Variants in SMCO4 observed in about 807,000 individuals in gnomAD.
SMCO4 encodes the protein single-pass membrane and coiled-coil domain-containing protein 4.
Under a neutral mutation model 3.6 loss-of-function variants are expected in SMCO4, and 4 were observed. The observed-to-expected ratio is 1.11, with a 90% confidence interval of 0.54 to 2.53. The LOEUF is 2.53. Ranked by LOEUF, SMCO4 falls within the 30% of genes most tolerant of loss-of-function variation. SMCO4 has a pLI of 0.02. For missense variants in SMCO4, 70 were observed against 80.8 expected, an observed-to-expected ratio of 0.87 and a Z score of 0.51; for synonymous variants, 36 against 35.3, an observed-to-expected ratio of 1.02 and a Z score of -0.07.
At chr11:93,523,866 A>C (rs188684982) in intron 1 of SMCO4, among the ~76,000 whole-genome samples, 171 of 152,240 alleles carry the variant, frequency 1.1e-3, no homozygotes, top group African/African-American at 3.8e-3. Flanking sequence ...GGACTTCCTT[A>C]GTTTTGGTTT....
At chr11:93,496,995 G>A (rs1948781730) in intron 2 of SMCO4, among the ~76,000 whole-genome samples, 1 of 152,130 alleles carries the variant, frequency 6.6e-6, no homozygotes, top group Non-Finnish European at 1.5e-5. Context: ...GAGTATCAGA[G>A]GAAGGTCTCT....
At chr11:93,522,694 T>C (rs1949068984) in intron 1 of SMCO4, among the ~76,000 whole-genome samples, 1 of 152,234 alleles carries the variant, frequency 6.6e-6, no homozygotes, top group African/African-American at 2.4e-5. Flanking sequence ...CCAGGTGGTA[T>C]AACATAAGTC....
intron 1 of SMCO4, among the ~76,000 whole-genome samples, chr11:93,513,736 C>T (rs1260361688): frequency 6.6e-6 from 1 of 152,180 alleles, no homozygotes; most frequent in Non-Finnish European, 1.5e-5. Context: ...CACTTATACA[C>T]TTTCCCAACC....
rs1225346790 is a variant in SMCO4, at chr11:93,479,374, G to A, written c.-80-105C>T. 2.7e-6 allele frequency: 3 copies of A among 1,121,142 alleles called. No homozygotes were observed. In the African/African-American group the frequency reaches 4.7e-5, roughly 17 times the overall value. The allele number at this position is 1,121,142 out of a possible 1,614,324, so 69.4% of individuals were successfully genotyped here. A position where few individuals can be genotyped will look rare whatever the true frequency, so the allele number is the denominator to read the frequency against. On this transcript the variant is annotated intron_variant, in intron 2 of 2. Coordinates refer to ENST00000298966, the MANE Select transcript of SMCO4 (RefSeq NM_020179.3). ...TAGGAAAAATATCTGCAACTTACAT[G>A]ACAAAGGGCTAAGAACAGAGGCCAC...
At chr11:93,542,775 C>G (rs948156156) in intron 1 of SMCO4, among the ~76,000 whole-genome samples, 4 of 152,150 alleles carry the variant, frequency 2.6e-5, no homozygotes, top group African/African-American at 4.8e-5. Flanking sequence ...CCTTCTCACC[C>G]GCAAGGTCCG....
rs1405323562 is a variant in SMCO4 at position 93,478,733 on chromosome 11, A to ACACG, written c.*276_*277insCGTG. The ACACG allele has an allele frequency of 1.6e-6, 1 of 606,596 alleles. No homozygotes were observed. Among genetic ancestry groups the ACACG allele is most frequent in the Non-Finnish European group, 2.3e-6 (1 of 431,934 alleles). The allele number at this position is 606,596 out of a possible 1,614,324, so 37.6% of individuals were successfully genotyped here. A position where few individuals can be genotyped will look rare whatever the true frequency, so the allele number is the denominator to read the frequency against. On this transcript the variant is annotated 3_prime_UTR_variant, in exon 3 of 3. Transcript: ENST00000298966. ...AAGAAGCACACACACACACACACAC[A>ACACG]CACACACACACACACACACATGCGC...
intron 1 of SMCO4, among the ~76,000 whole-genome samples, chr11:93,526,004 T>C (rs1421925837): frequency 6.6e-6 from 1 of 152,208 alleles, no homozygotes; most frequent in Non-Finnish European, 1.5e-5. Context: ...CTATCCCCAA[T>C]AATCCATCTT....
At chr11:93,544,665 C>T (rs1248432276), upstream of SMCO4, among the ~76,000 whole-genome samples, 1 of 151,990 alleles carries the variant, frequency 6.6e-6, no homozygotes, top group African/African-American at 2.4e-5. Context: ...AGGAAGTGTC[C>T]TTCCTGCTGC....
At chr11:93,495,646 A>G (rs1413499376) in intron 2 of SMCO4, among the ~76,000 whole-genome samples, 1 of 152,186 alleles carries the variant, frequency 6.6e-6, no homozygotes, top group African/African-American at 2.4e-5. Context: ...ATGCTGTTGC[A>G]CATTTTTATG....
At chr11:93,484,836 A>G (rs1463358318) in intron 2 of SMCO4, among the ~76,000 whole-genome samples, 1 of 152,172 alleles carries the variant, frequency 6.6e-6, no homozygotes, top group Non-Finnish European at 1.5e-5. Context: ...GGAAGGTCTA[A>G]GACAAGGAAG....
At chr11:93,521,282 C>T (rs1413960263) in intron 1 of SMCO4, among the ~76,000 whole-genome samples, 3 of 152,164 alleles carry the variant, frequency 2.0e-5, no homozygotes. Context: ...GAAGGGGCTC[C>T]TGCAGTGGGC....
chr11:93,512,994 G>A (rs1948972105), intron 1 of SMCO4, among the ~76,000 whole-genome samples: 1 of 152,180 alleles, frequency 6.6e-6, no homozygotes. Context: ...TGGTCGGCAG[G>A]CCCGAGAGGT....
intron 1 of SMCO4, among the ~76,000 whole-genome samples, chr11:93,514,402 ATATATATATATATATAT>A (rs1565383025): frequency 1.6e-4 from 16 of 99,638 alleles, no homozygotes; most frequent in Admixed American, 3.1e-4. Flanking sequence ...ATATATATAT[ATATATATATATATATAT>A]ATAAAATTTG....
chr11:93,520,772 C>T (rs747014313), intron 1 of SMCO4, among the ~76,000 whole-genome samples: 1 of 152,232 alleles, frequency 6.6e-6, no homozygotes, highest in Non-Finnish European at 1.5e-5. Context: ...TGAACAGAGA[C>T]CCAGACTTGC....
chr11:93,545,300 A>G (rs1949307019), upstream of SMCO4, among the ~76,000 whole-genome samples: 1 of 152,176 alleles, frequency 6.6e-6, no homozygotes, highest in African/African-American at 2.4e-5. Context: ...TGAAAGTGCC[A>G]TCCTTGGCTG....
At chr11:93,552,616 C>T in the SMCO4 span, among the ~76,000 whole-genome samples, 1 of 151,662 alleles carries the variant, frequency 6.6e-6, no homozygotes, top group African/African-American at 2.4e-5. Flanking sequence ...GGATTACAGG[C>T]ACCCGCTAAC....
chr11:93,544,232 G>A (rs377400188), upstream of SMCO4, among the ~76,000 whole-genome samples: 15 of 152,342 alleles, frequency 9.8e-5, no homozygotes, highest in East Asian at 2.5e-3. Flanking sequence ...CGATGTGTGC[G>A]GTGGTATGTA....
Position 93,479,267 on chromosome 11 carries a change from C to G in SMCO4, c.-78G>C. 1 of 1,549,682 alleles carries G rather than the reference C, an allele frequency of 6.5e-7. No individual in the cohort carries two copies. Among genetic ancestry groups the G allele is most frequent in the South Asian group, 1.2e-5 (1 of 81,466 alleles). The stretch of plus-strand genomic sequence containing the variant: ...ACACTCCTCTTGCCAAGGCTGGAAC[C>G]TCCTGTAGAGAGAACAACTGTGATA... On this transcript the variant is annotated splice_region_variant and 5_prime_UTR_variant, in exon 3 of 3. Coordinates refer to ENST00000298966, the MANE Select transcript of SMCO4 (RefSeq NM_020179.3).
intron 2 of SMCO4, among the ~76,000 whole-genome samples, chr11:93,491,940 A>C (rs1344070644): frequency 6.6e-6 from 1 of 152,230 alleles, no homozygotes; most frequent in Non-Finnish European, 1.5e-5. Flanking sequence ...ACCAAGATGC[A>C]CAAGCACCAG....
Sources: gnomAD v4.1 joint callset for allele counts (sites outside exome capture counted in the v4.1 genomes callset) on GRCh38, gnomAD v4.1.1 for gene constraint, MANE v1.5 for transcripts, NCBI Gene and HGNC (gene_info 2026-07-23, HGNC 2026-07-21) for gene names.